The following PSMD5 variants were observed in gnomAD, a reference collection of about 807,000 sequenced individuals.
PSMD5 encodes 26S proteasome non-ATPase regulatory subunit 5.
PSMD5 carries 40 observed loss-of-function variants against 52.1 expected under a neutral mutation model. The observed-to-expected ratio is 0.77, with a 90% CI of 0.60 to 1.00. The LOEUF is 1.00. PSMD5 is among the 50% of genes least tolerant of loss of function. The probability of loss-of-function intolerance (pLI) is 0.00; values close to 1 mark genes in which losing one functional copy is unlikely to be tolerated. For synonymous variants in PSMD5, 211 were observed against 226.6 expected (o/e 0.93, Z 0.62); for missense variants, 575 against 605.2 (o/e 0.95, Z 0.52).
At chr9:120,824,019 C>A (rs1303297731) in intron 7 of PSMD5, 1 of 163,508 alleles carries the variant, frequency 6.1e-6, no homozygotes, top group Admixed American at 6.3e-5. Flanking sequence ...GACCTGTAGA[C>A]CCAGCCAATC....
At chr9:120,826,717 A>G in intron 6 of PSMD5, 48 bp downstream of exon 6, 1 of 1,580,672 alleles carries the variant, frequency 6.3e-7, no homozygotes, top group Non-Finnish European at 8.6e-7. Context: ...GAGATAACTC[A>G]GAAATAAAAC....
In PSMD5 at chr9:120,831,422, G is replaced by A; in HGVS notation, c.470C>T (p.Ala157Val). The change falls in exon 4 of 10, where the codon GCT becomes GTT. Residue 157 changes from alanine (A) to valine (V), a missense_variant. Ala to Val is a moderately conservative substitution (Grantham distance 64, BLOSUM62 0). Coordinates refer to ENST00000210313, the MANE Select transcript of PSMD5 (RefSeq NM_005047.4). ...KSLSRISLTQ[A>V]GLEALFESNL... ...GCTTTCAAATAAAGCCTCCAGTCCA[G>A]CTTGGGTTAGTGATATTCTTGACAG... 1.2e-6 allele frequency: 2 copies of A among 1,611,558 alleles called. No homozygotes were observed. The highest frequency in any genetic ancestry group is 1.7e-6 in the Non-Finnish European group (2 of 1,179,156).
At chr9:120,829,885 T>A (rs1003498878) in intron 4 of PSMD5, among the ~76,000 whole-genome samples, 3 of 152,118 alleles carry the variant, frequency 2.0e-5, no homozygotes, top group Admixed American at 6.6e-5. Context: ...TGTTCTGAGG[T>A]CTTACTGAGA....
Position 120,818,183 on chromosome 9 carries a change from G to T in PSMD5, c.1258-20C>A. ...AATGGCCTGAAATGGAAGGCAGAAA[G>T]AATACAATTCCCCTGAGTGGAAGTT... On this transcript the variant is annotated intron_variant, in intron 9 of 9. Coordinates refer to ENST00000210313, the MANE Select transcript of PSMD5 (RefSeq NM_005047.4). The T allele has an allele frequency of 6.2e-7, 1 of 1,601,720 alleles. No homozygotes were observed. The highest frequency in any genetic ancestry group is 1.1e-5 in the South Asian group (1 of 90,386).
intron 1 of PSMD5, chr9:120,842,266 G>A (rs1211357768): frequency 1.9e-5 from 3 of 156,532 alleles, no homozygotes; most frequent in Admixed American, 1.3e-4. Context: ...AAAGAACAAA[G>A]TAACTGCACA....
intron 7 of PSMD5, among the ~76,000 whole-genome samples, chr9:120,821,971 T>C (rs564298834): frequency 6.6e-6 from 1 of 152,356 alleles, no homozygotes; most frequent in South Asian, 2.1e-4. Flanking sequence ...AACGCTGCTA[T>C]GAACATGACT....
chr9:120,835,668 G>A (rs1484710682), intron 1 of PSMD5, among the ~76,000 whole-genome samples: 1 of 152,014 alleles, frequency 6.6e-6, no homozygotes, highest in Non-Finnish European at 1.5e-5. Flanking sequence ...GGCGGCAGTT[G>A]CAGTGAGTCG....
intron 2 of PSMD5, 94 bp from the exon 3 acceptor site, chr9:120,832,039 G>A (rs760798969): frequency 2.0e-6 from 3 of 1,504,140 alleles, no homozygotes; most frequent in South Asian, 1.3e-5. Context: ...AGTTATTTTA[G>A]GAGTTAGTGA....
Position 120,826,869 on chromosome 9 carries a change from G to A in PSMD5, c.710C>T (p.Thr237Ile). 2 of 1,613,600 alleles carry A rather than the reference G, an allele frequency of 1.2e-6. No individual in the cohort carries two copies. The highest frequency in any genetic ancestry group is 1.7e-6 in the Non-Finnish European group (2 of 1,179,584). The change falls in exon 6 of 10, where the codon ACT becomes ATT. Residue 237 changes from threonine to isoleucine, a missense_variant. Thr to Ile is a moderately conservative substitution (Grantham distance 89). Coordinates refer to ENST00000210313, the MANE Select transcript of PSMD5 (RefSeq NM_005047.4). ...AGCAAGATATTGTCGCCCATGATGA[G>A]TATATGCCAGTGATGTCACCATTTC... ...CIEMVTSLAY[T>I]HHGRQYLAQE...
chr9:120,816,239 T>A lies in PSMD5; in HGVS notation c.*1667A>T, dbSNP rs1389103402. 1 of 152,506 alleles carries A rather than the reference T, an allele frequency of 6.6e-6. No homozygotes were observed. 9.4% of individuals were successfully genotyped at this position (152,506 alleles called of 1,614,324 possible). On this transcript the variant is annotated 3_prime_UTR_variant, in exon 10 of 10. Transcript: ENST00000210313. ...GGGAAAAGAGGGAATAGACAGTTAT[T>A]GTTTAATGAATACAGTTTCAATTGT...
Position 120,820,930 on chromosome 9 carries a change from G to C in PSMD5, c.1166C>G (p.Ser389Cys), listed in dbSNP as rs2045079804. The C allele has an allele frequency of 1.2e-6, 2 of 1,606,672 alleles. No homozygotes were observed. The highest frequency in any genetic ancestry group is 1.8e-5 in the Admixed American group (1 of 56,990). The stretch of plus-strand genomic sequence containing the variant: ...CTCCAGTGGATCCCGAGATAAAGAA[G>C]AAAACCAGGATTCTGTCATCCTCAG... ...DLLRMTESWF[S>C]SLSRDPLELF... Residue 389 changes from serine to cysteine, a missense_variant, in exon 9 of 10, where the codon TCT becomes TGT. Transcript: ENST00000210313.
chr9:120,833,386 G>A lies in PSMD5; in HGVS notation c.244C>T (p.Arg82Trp), dbSNP rs779737719. ...LQAMEPVHVA[R>W]NLRVDLQRGL... ...CTCTGCAGGTCAACCCTGAGGTTCC[G>A]GGCCACGTGAACCGGTTCCATAGCT... Residue 82 changes from arginine to tryptophan, a missense_variant, in exon 2 of 10, where the codon CGG becomes TGG. Coordinates refer to ENST00000210313, the MANE Select transcript of PSMD5 (RefSeq NM_005047.4). 79 of 1,613,948 alleles carry A rather than the reference G, an allele frequency of 4.9e-5. 1 individual carries two copies. The highest frequency in any genetic ancestry group is 2.9e-4 in the South Asian group (26 of 91,068).
intron 4 of PSMD5, among the ~76,000 whole-genome samples, chr9:120,830,907 AG>A (rs1285465667): frequency 6.6e-6 from 1 of 152,018 alleles, no homozygotes; most frequent in African/African-American, 2.4e-5. Context: ...ATATATAAAA[AG>A]GGTCTTGCTC....
chr9:120,842,491 G>A, intron 1 of PSMD5: 1 of 561,058 alleles, frequency 1.8e-6, no homozygotes, highest in Non-Finnish European at 3.1e-6. Context: ...GATGAAGAAG[G>A]CAGTGCCTCA....
rs775930698 is a variant in PSMD5 at position 120,826,752 on chromosome 9, C to T, written c.814+13G>A. 1 of 1,612,292 alleles carries T rather than the reference C, an allele frequency of 6.2e-7. No individual in the cohort carries two copies. Among genetic ancestry groups the T allele is most frequent in the Admixed American group, 1.7e-5 (1 of 59,904 alleles). On this transcript the variant is annotated intron_variant, in intron 6 of 9. Transcript: ENST00000210313. ...CACGCACCATCATTTCCATAGGCAT[C>T]AGTGTTCCTTACCTGGCAGATAGAA...
At chr9:120,836,952 C>A (rs1287572401) in intron 1 of PSMD5, among the ~76,000 whole-genome samples, 1 of 144,092 alleles carries the variant, frequency 6.9e-6, no homozygotes, top group African/African-American at 2.6e-5. Context: ...TGCAGTGGTG[C>A]GATCTTGGCT....
intron 6 of PSMD5, among the ~76,000 whole-genome samples, chr9:120,826,141 C>T (rs958002665): frequency 1.3e-5 from 2 of 151,946 alleles, no homozygotes; most frequent in East Asian, 3.9e-4. Context: ...ACTACCGGCA[C>T]CCACCACCAT....
intron 6 of PSMD5, chr9:120,826,551 A>C: frequency 5.8e-6 from 3 of 516,326 alleles, no homozygotes; most frequent in Non-Finnish European, 1.0e-5. Context: ...CCATAGGATA[A>C]ATCCCACTTC....
chr9:120,824,757 C>T, intron 6 of PSMD5, 72 bp from the exon 7 acceptor site: 1 of 1,310,276 alleles, frequency 7.6e-7, no homozygotes, highest in South Asian at 1.5e-5. Context: ...TATGACTTCA[C>T]AGGAACAGAA....
Sources: gnomAD v4.1 joint callset for allele counts (sites outside exome capture counted in the v4.1 genomes callset) on GRCh38, gnomAD v4.1.1 for gene constraint, MANE v1.5 for transcripts, NCBI Gene and HGNC (gene_info 2026-07-23, HGNC 2026-07-21) for gene names.